Variants in EXOC6B observed in about 807,000 individuals in gnomAD.
EXOC6B encodes the protein exocyst complex component 6B.
EXOC6B carries 54 observed loss-of-function variants against 113.5 expected under a neutral mutation model. The observed-to-expected ratio is 0.48, with a 90% CI of 0.38 to 0.60. The LOEUF (loss-of-function observed/expected upper bound fraction) is 0.60, where lower values mean the gene tolerates loss of function less well. EXOC6B is among the 20% of genes least tolerant of loss of function. The probability of loss-of-function intolerance (pLI) is 0.00; values close to 1 mark genes in which losing one functional copy is unlikely to be tolerated. For missense variants in EXOC6B, 797 were observed against 977.5 expected (o/e 0.82, Z 2.46); for synonymous variants, 357 against 339.0 (o/e 1.05, Z -0.58).
At chr2:72,795,445 G>A (rs1211639943) in intron 1 of EXOC6B, among the ~76,000 whole-genome samples, 1 of 152,072 alleles carries the variant, frequency 6.6e-6, no homozygotes. Context: ...GCGTTGTGAC[G>A]GGCGCCTGTA....
At position 72,397,661 on chromosome 2, in the gene EXOC6B, T is replaced by TAAAATAAAATAAA. The variant is rs1558625759; in HGVS notation, c.1981-17792_1981-17791insTTTATTTTATTTT. ...AAAATAAAATAAAATAAAATAAAATTATATATATATACACTCATATATTCA... is the reference window on the plus strand; with the variant it reads ...AAAATAAAATAAAATAAAATAAAATTAAAATAAAATAAAATATATATATACACTCATATATTCA... On this transcript the variant is annotated intron_variant, in intron 18 of 21. Transcript: ENST00000272427. Among the ~76,000 whole-genome samples, 122 of 102,104 alleles carry TAAAATAAAATAAA rather than the reference T, an allele frequency of 1.2e-3. 4 individuals are homozygous for TAAAATAAAATAAA. Among genetic ancestry groups the TAAAATAAAATAAA allele is most frequent in the African/African-American group, 0.01 (119 of 11,694 alleles). The allele number at this position is 102,104 out of a possible 152,430, so 67.0% of individuals were successfully genotyped here.
At chr2:72,631,426 G>GTGTGTGTATATATATA (rs1290760055) in intron 6 of EXOC6B, among the ~76,000 whole-genome samples, 2 of 28,164 alleles carry the variant, frequency 7.1e-5, no homozygotes, top group African/African-American at 2.3e-4. Context: ...GTGTGTGTGT[G>GTGTGTGTATATATATA]TATATATATA....
At chr2:72,682,440 C>G (rs998340226) in intron 6 of EXOC6B, among the ~76,000 whole-genome samples, 9 of 152,138 alleles carry the variant, frequency 5.9e-5, no homozygotes, top group African/African-American at 2.2e-4. Flanking sequence ...TTTATATTCT[C>G]TACCTCCTTT....
chr2:72,488,428 C>T (rs1699549181), intron 16 of EXOC6B, among the ~76,000 whole-genome samples: 1 of 152,014 alleles, frequency 6.6e-6, no homozygotes, highest in African/African-American at 2.4e-5. Context: ...CTGGCCAAAC[C>T]TCACTTCCAA....
chr2:72,601,349 A>AT (rs1159374859), intron 6 of EXOC6B, among the ~76,000 whole-genome samples: 2 of 151,640 alleles, frequency 1.3e-5, no homozygotes, highest in African/African-American at 4.8e-5. Context: ...TGCCCAGCTA[A>AT]TTTTTTTGTA....
chr2:72,436,593 A>T (rs1195207929), intron 18 of EXOC6B, among the ~76,000 whole-genome samples: 1 of 151,818 alleles, frequency 6.6e-6, no homozygotes, highest in Non-Finnish European at 1.5e-5. Flanking sequence ...GACTTTGTTC[A>T]TTCCTTTTCA....
At chr2:72,461,090 C>A (rs1470643034) in intron 18 of EXOC6B, among the ~76,000 whole-genome samples, 22 of 151,266 alleles carry the variant, frequency 1.5e-4, no homozygotes, top group African/African-American at 4.9e-4. Context: ...TCATCATTCT[C>A]AGTAAACTAT....
At chr2:72,715,535 A>T (rs1244447045) in intron 6 of EXOC6B, among the ~76,000 whole-genome samples, 2 of 151,392 alleles carry the variant, frequency 1.3e-5, no homozygotes, top group Non-Finnish European at 2.9e-5. Flanking sequence ...CTAGGAGCTC[A>T]AGAGAACAAT....
At chr2:72,321,530 T>G in intron 20 of EXOC6B, among the ~76,000 whole-genome samples, 1 of 107,978 alleles carries the variant, frequency 9.3e-6, no homozygotes, top group African/African-American at 3.8e-5. Context: ...AGAGACTCCG[T>G]CTCAAAAAAA....
intron 20 of EXOC6B, among the ~76,000 whole-genome samples, chr2:72,308,025 T>A (rs1462503693): frequency 2.0e-5 from 3 of 152,142 alleles, no homozygotes; most frequent in African/African-American, 7.2e-5. Context: ...TTGTTGAAAA[T>A]TCATTAGAAT....
At chr2:72,188,473 T>C (rs1678592718) in intron 20 of EXOC6B, among the ~76,000 whole-genome samples, 1 of 152,332 alleles carries the variant, frequency 6.6e-6, no homozygotes, top group East Asian at 1.9e-4. Context: ...CTAGGTCATA[T>C]GGCCTTCTCT....
chr2:72,334,595 C>T (rs1049081399), intron 20 of EXOC6B, among the ~76,000 whole-genome samples: 1 of 152,160 alleles, frequency 6.6e-6, no homozygotes. Context: ...GCAGTCTCTG[C>T]ATCAGTGCAC....
intron 16 of EXOC6B, among the ~76,000 whole-genome samples, chr2:72,482,361 T>C (rs111348971): frequency 3.3e-5 from 5 of 152,208 alleles, no homozygotes; most frequent in African/African-American, 1.2e-4. Context: ...TTTTTGTCTT[T>C]CTTTTCTACA....
At chr2:72,792,516 C>T (rs1684729911) in intron 1 of EXOC6B, among the ~76,000 whole-genome samples, 1 of 152,168 alleles carries the variant, frequency 6.6e-6, no homozygotes, top group South Asian at 2.1e-4. Context: ...ATTTTATCCT[C>T]CCTAGCAAAA....
chr2:72,735,881 T>TCAATGCG (rs1391811664), intron 2 of EXOC6B, among the ~76,000 whole-genome samples: 2 of 149,868 alleles, frequency 1.3e-5, no homozygotes, highest in African/African-American at 4.9e-5. Flanking sequence ...AATAACTATT[T>TCAATGCG]CAATGCGTAA....
At chr2:72,228,152 T>C (rs1427447387) in intron 20 of EXOC6B, among the ~76,000 whole-genome samples, 1 of 152,174 alleles carries the variant, frequency 6.6e-6, no homozygotes, top group Non-Finnish European at 1.5e-5. Flanking sequence ...AGTGTCTAAG[T>C]ATGGGGCTGA....
rs1701140529 is a variant in EXOC6B, at chr2:72,514,963, AC to A, written c.999+79del. 2.5e-5 allele frequency: 31 copies of A among 1,248,248 alleles called. 1 individual carries two copies. The highest frequency in any genetic ancestry group is 3.0e-5 in the Non-Finnish European group (26 of 872,492). 77.3% of individuals were successfully genotyped at this position (1,248,248 alleles called of 1,614,324 possible). On this transcript the variant is annotated intron_variant, in intron 9 of 21. Coordinates refer to ENST00000272427, the MANE Select transcript of EXOC6B (RefSeq NM_015189.3). Reference sequence around the variant, plus strand: ...TAAACACACACACACAGACACACACACACACACACACACACACGCATCAAAA... The same window carrying A: ...TAAACACACACACACAGACACACACAACACACACACACACACGCATCAAAA...
At chr2:72,631,864 C>G (rs1672495180) in intron 6 of EXOC6B, among the ~76,000 whole-genome samples, 1 of 152,058 alleles carries the variant, frequency 6.6e-6, no homozygotes, top group Non-Finnish European at 1.5e-5. Flanking sequence ...TGCACAAACA[C>G]ATGTACTTTG....
intron 6 of EXOC6B, among the ~76,000 whole-genome samples, chr2:72,676,431 T>C (rs1251946520): frequency 1.3e-5 from 2 of 152,238 alleles, no homozygotes; most frequent in East Asian, 1.9e-4. Context: ...AAACATTGTT[T>C]TGCTCTTTTG....
Sources: allele counts gnomAD v4.1 joint callset (sites outside exome capture counted in the v4.1 genomes callset), GRCh38; gene constraint gnomAD v4.1.1; transcripts MANE v1.5; gene names NCBI Gene and HGNC (gene_info 2026-07-23, HGNC 2026-07-21).